Variants in TGM2 observed in about 807,000 individuals in gnomAD.
TGM2 encodes the protein transglutaminase 2.
TGM2 carries 53 observed loss-of-function variants against 75.6 expected under a neutral mutation model. The observed-to-expected ratio is 0.70, with a 90% CI of 0.56 to 0.88. The LOEUF (loss-of-function observed/expected upper bound fraction) is 0.88. Among genes scored for constraint, TGM2 ranks in the 40% least tolerant of loss-of-function variants. The pLI is 0.00. For missense variants in TGM2, 842 were observed against 928.5 expected (o/e 0.91, Z 1.21); for synonymous variants, 374 against 381.1 (o/e 0.98, Z 0.22).
In TGM2 at chr20:38,129,919, C is replaced by T. The variant is rs961972841; in HGVS notation, c.*300G>A. On this transcript the variant is annotated 3_prime_UTR_variant, in exon 13 of 13. Transcript: ENST00000361475. ...GGGTGGTCAATGGCTTTCCAAAGGG[C>T]ATCTGGGCAGGAGAGGGAATGTAGG... is the stretch of plus-strand genomic sequence containing the variant. 1 of 451,148 alleles carries T rather than the reference C, an allele frequency of 2.2e-6. No homozygotes were observed. Among genetic ancestry groups the T allele is most frequent in the Non-Finnish European group, 4.1e-6 (1 of 246,526 alleles). 27.9% of individuals were successfully genotyped at this position (451,148 alleles called of 1,614,324 possible). A position where few individuals can be genotyped will look rare whatever the true frequency, so the allele number is the denominator to read the frequency against.
chr20:38,143,981 C>A (rs2075011563), intron 6 of TGM2, among the ~76,000 whole-genome samples: 2 of 152,194 alleles, frequency 1.3e-5, no homozygotes, highest in South Asian at 2.1e-4. Context: ...GTTTCTGTCC[C>A]CCTGAGGCCT....
chr20:38,140,337 A>G (rs1250055423), intron 8 of TGM2, among the ~76,000 whole-genome samples: 2 of 152,224 alleles, frequency 1.3e-5, no homozygotes, highest in Non-Finnish European at 2.9e-5. Context: ...ACAGAAAACT[A>G]TCTGCTGGAG....
intron 2 of TGM2, among the ~76,000 whole-genome samples, chr20:38,158,535 C>T (rs2075215165): frequency 6.6e-6 from 1 of 152,184 alleles, no homozygotes. Context: ...GGGTTCCCTT[C>T]ACTCCTCCAG....
chr20:38,149,678 C>CAAAAAAA (rs1199376180), intron 4 of TGM2, among the ~76,000 whole-genome samples: 22 of 40,436 alleles, frequency 5.4e-4, no homozygotes, highest in East Asian at 3.3e-3. Flanking sequence ...GACTCCGCCT[C>CAAAAAAA]AAAAAAAAAA....
intron 3 of TGM2, among the ~76,000 whole-genome samples, chr20:38,155,256 A>G (rs1348960358): frequency 6.6e-6 from 1 of 152,248 alleles, no homozygotes; most frequent in Non-Finnish European, 1.5e-5. Flanking sequence ...GCCCCAGTTC[A>G]TAGTGGTCTG....
At chr20:38,143,736 A>G (rs902823571) in intron 6 of TGM2, among the ~76,000 whole-genome samples, 8 of 152,274 alleles carry the variant, frequency 5.3e-5, no homozygotes, top group African/African-American at 9.6e-5. Context: ...TATCTAAAAA[A>G]TGAAGAGAAA....
chr20:38,147,693 G>A (rs1216938092), intron 5 of TGM2, among the ~76,000 whole-genome samples: 1 of 151,430 alleles, frequency 6.6e-6, no homozygotes, highest in Non-Finnish European at 1.5e-5. Flanking sequence ...CACAGGACTT[G>A]CACACAGCTG....
intron 12 of TGM2, 27 bp downstream of exon 12, chr20:38,131,066 C>A: frequency 1.2e-6 from 2 of 1,610,022 alleles, no homozygotes; most frequent in South Asian, 2.2e-5. Flanking sequence ...TCCCCCAGGC[C>A]CCAAAGCTAG....
intron 1 of TGM2, 56 bp downstream of exon 1, chr20:38,165,133 T>C: frequency 6.2e-7 from 1 of 1,613,816 alleles, no homozygotes; most frequent in Non-Finnish European, 8.5e-7. Flanking sequence ...CACCGGGTCC[T>C]GACCCCCAAT....
At chr20:38,137,849 T>C (rs532066123) in intron 10 of TGM2, 2 of 687,866 alleles carry the variant, frequency 2.9e-6, no homozygotes, top group East Asian at 6.3e-5. Flanking sequence ...TCCCCAACTG[T>C]GCAACCTTAA....
chr20:38,140,093 ATCTGTCTCGTT>A (rs1293675107), intron 8 of TGM2, among the ~76,000 whole-genome samples: 1 of 152,254 alleles, frequency 6.6e-6, no homozygotes, highest in Non-Finnish European at 1.5e-5. Context: ...CAAGGAGGAC[ATCTGTCTCGTT>A]TCCTGCTCAT....
At chr20:38,140,697 G>A (rs1162501135) in intron 8 of TGM2, among the ~76,000 whole-genome samples, 4 of 152,068 alleles carry the variant, frequency 2.6e-5, no homozygotes, top group Admixed American at 6.5e-5. Context: ...TGACTCTACC[G>A]CTAGATCTTG....
chr20:38,145,164 C>G (rs936371789), intron 6 of TGM2, among the ~76,000 whole-genome samples: 6 of 152,156 alleles, frequency 3.9e-5, no homozygotes, highest in Admixed American at 6.5e-5. Flanking sequence ...AAGGCAAGGA[C>G]AGCCGAGCTG....
intron 10 of TGM2, among the ~76,000 whole-genome samples, chr20:38,134,704 A>G (rs1488737889): frequency 6.6e-6 from 1 of 152,100 alleles, no homozygotes; most frequent in African/African-American, 2.4e-5. Flanking sequence ...GGGAGGAGAG[A>G]GCATGAAAGG....
chr20:38,146,798 T>A lies in TGM2; in HGVS notation c.778A>T (p.Ile260Phe), dbSNP rs899387470. Residue 260 changes from isoleucine to phenylalanine, a missense_variant, in exon 6 of 13, where the codon ATC becomes TTC. Physicochemically the swap from Ile to Phe is conservative, Grantham distance 21 (BLOSUM62 0). Coordinates refer to ENST00000361475, the MANE Select transcript of TGM2 (RefSeq NM_004613.4). ...CCGTGGTTCTTCCAGCGCCGCAGGA[T>A]GTCCACGCTGCCGATCCAGGACATG... is the stretch of plus-strand genomic sequence containing the variant. ...SPMSWIGSVD[I>F]LRRWKNHGCQ... The A allele has an allele frequency of 5.0e-6, 8 of 1,613,898 alleles. No homozygotes were observed. In the Admixed American group the frequency reaches 1.0e-4, roughly 20 times the overall value.
chr20:38,149,539 TGTG>T (rs2075088879), intron 4 of TGM2, among the ~76,000 whole-genome samples: 1 of 151,038 alleles, frequency 6.6e-6, no homozygotes, highest in East Asian at 1.9e-4. Flanking sequence ...ATTAGCCGGG[TGTG>T]GTGGTGGGCG....
In TGM2 at chr20:38,132,335, C is replaced by A. The variant is rs770142426; in HGVS notation, c.1776+5G>T. On this transcript the variant is annotated splice_donor_5th_base_variant and intron_variant, in intron 11 of 12. Transcript: ENST00000361475. ...GACCCTGCCCCTTGCCCAGCCTGCC[C>A]TTACCCGGATCTTGATTTCTGGATT... 2.5e-6 allele frequency: 4 copies of A among 1,613,990 alleles called. No homozygotes were observed. Among genetic ancestry groups the A allele is most frequent in the Non-Finnish European group, 3.4e-6 (4 of 1,180,014 alleles).
chr20:38,144,584 C>A (rs2075021784), intron 6 of TGM2, among the ~76,000 whole-genome samples: 1 of 152,230 alleles, frequency 6.6e-6, no homozygotes, highest in African/African-American at 2.4e-5. Context: ...GCTAAGTGAT[C>A]TCTCCCTGGT....
chr20:38,153,975 T>A (rs576575881), intron 3 of TGM2, among the ~76,000 whole-genome samples: 16 of 152,296 alleles, frequency 1.1e-4, no homozygotes, highest in South Asian at 6.2e-4. Context: ...TGTCATCACA[T>A]CGGTCTAATT....
Sources: allele counts gnomAD v4.1 joint callset (sites outside exome capture counted in the v4.1 genomes callset), GRCh38; gene constraint gnomAD v4.1.1; transcripts MANE v1.5; gene names NCBI Gene and HGNC (gene_info 2026-07-23, HGNC 2026-07-21).